Variants in PLAC1 observed in about 807,000 individuals in gnomAD.
PLAC1 encodes the protein placenta-specific protein 1.
For synonymous variants in PLAC1, 68 were observed against 62.1 expected (o/e 1.09, Z -0.44); for missense variants, 136 against 163.2 (o/e 0.83, Z 0.91).
intron 2 of PLAC1, among the ~76,000 whole-genome samples, chrX:134,591,821 G>GT (rs1184088953): frequency 5.4e-5 from 6 of 111,939 alleles, no homozygotes; most frequent in African/African-American, 1.9e-4. Flanking sequence ...TATTGTCACT[G>GT]TTTTTTTATT....
Position 134,709,389 on chromosome X carries a change from G to A in PLAC1, n.174+24046C>T, listed in dbSNP as rs1201353694. Among the ~76,000 whole-genome samples the A allele has an allele frequency of 2.7e-5, 3 of 112,013 alleles. No homozygotes were observed. The East Asian group carries it at 8.4e-4, about 31-fold the overall frequency. ...GCCTATAATCTGAGAACTGTGGGAG[G>A]CCAAGGCGGGCGGATCACTTGAGGT... is the stretch of plus-strand genomic sequence containing the variant. On this transcript the variant is annotated intron_variant and non_coding_transcript_variant, in intron 2 of 2. Transcript: ENST00000466797.
rs182394189 is a variant in PLAC1 at position 134,678,951 on chromosome X, G to C, written n.174+54484C>G. ...CATGTGATGACCAATGCAGAGATCA[G>C]AGTGATGCAGCCACAAGCCAAGGAG... is the stretch of plus-strand genomic sequence containing the variant. On this transcript the variant is annotated intron_variant and non_coding_transcript_variant, in intron 2 of 2. Coordinates refer to the PLAC1 transcript ENST00000466797. Among the ~76,000 whole-genome samples the C allele has an allele frequency of 2.1e-3, 235 of 111,685 alleles. 1 individual carries two copies. Among genetic ancestry groups the C allele is most frequent in the African/African-American group, 7.0e-3 (215 of 30,737 alleles).
At chrX:134,592,806 C>G (rs2078045335) in intron 2 of PLAC1, among the ~76,000 whole-genome samples, 1 of 102,777 alleles carries the variant, frequency 9.7e-6, no homozygotes, top group South Asian at 4.8e-4. Context: ...TCACTGCAAG[C>G]TCCACACCTC....
intron 1 of PLAC1, among the ~76,000 whole-genome samples, chrX:134,753,310 G>A (rs889292453): frequency 2.7e-5 from 3 of 111,399 alleles, no homozygotes; most frequent in African/African-American, 9.8e-5. Context: ...TAGCCTAATC[G>A]ACATTGACTT....
At chrX:134,636,594 G>A (rs1326002711) in intron 1 of PLAC1, among the ~76,000 whole-genome samples, 1 of 112,057 alleles carries the variant, frequency 8.9e-6, no homozygotes, top group East Asian at 2.8e-4. Context: ...GATGCAGTGT[G>A]GGGATGGAAG....
At chrX:134,755,041 G>T (rs893074812) in intron 1 of PLAC1, among the ~76,000 whole-genome samples, 1 of 111,652 alleles carries the variant, frequency 9.0e-6, no homozygotes. Flanking sequence ...AATTTATCAT[G>T]TAAATTTGCA....
intron 1 of PLAC1, among the ~76,000 whole-genome samples, chrX:134,656,669 C>T (rs1371020370): frequency 1.8e-5 from 2 of 111,458 alleles, no homozygotes; most frequent in Non-Finnish European, 3.8e-5. Context: ...ACTGCAGCTT[C>T]GATCTCCTGG....
intron 1 of PLAC1, among the ~76,000 whole-genome samples, chrX:134,734,452 A>C (rs1013708576): frequency 2.7e-5 from 3 of 111,985 alleles, no homozygotes; most frequent in Admixed American, 1.9e-4. Context: ...TTAGTCCCCC[A>C]CTCCACACCT....
At chrX:134,581,742 G>A (rs1448999848) in intron 2 of PLAC1, among the ~76,000 whole-genome samples, 1 of 110,894 alleles carries the variant, frequency 9.0e-6, no homozygotes, top group Non-Finnish European at 1.9e-5. Context: ...GCCTCCCAAA[G>A]TGCTGGGATT....
chrX:134,598,953 C>T (rs2078075412), intron 2 of PLAC1, among the ~76,000 whole-genome samples: 1 of 111,699 alleles, frequency 9.0e-6, no homozygotes, highest in Admixed American at 9.5e-5. Flanking sequence ...AAAAACCCAT[C>T]TTTTCACTTG....
In PLAC1 at chrX:134,750,946, A is replaced by T. The variant is rs184705241; in HGVS notation, n.89+13288T>A. ...ATATTTTTATATATATATATTTATA[A>T]ATATATATATATATATTTATATATA... On this transcript the variant is annotated intron_variant and non_coding_transcript_variant, in intron 1 of 2. Coordinates refer to the PLAC1 transcript ENST00000466797. Among the ~76,000 whole-genome samples, 301 of 34,486 alleles carry T rather than the reference A, an allele frequency of 8.7e-3. 24 individuals are homozygous for T. The highest frequency in any genetic ancestry group is 0.02 in the African/African-American group (63 of 3,084). The allele number at this position is 34,486 out of a possible 115,157, so 29.9% of individuals were successfully genotyped here. A position where few individuals can be genotyped will look rare whatever the true frequency, so the allele number is the denominator to read the frequency against.
At chrX:134,722,008 A>G (rs1334949190) in intron 2 of PLAC1, among the ~76,000 whole-genome samples, 1 of 112,267 alleles carries the variant, frequency 8.9e-6, no homozygotes, top group African/African-American at 3.2e-5. Flanking sequence ...TTCCTCAAAA[A>G]TTTATAAACA....
chrX:134,697,214 G>A (rs1017858120), intron 2 of PLAC1, among the ~76,000 whole-genome samples: 3 of 110,509 alleles, frequency 2.7e-5, no homozygotes, highest in African/African-American at 9.9e-5. Flanking sequence ...CCTAAATATG[G>A]ATTTTCAGTA....
chrX:134,747,255 T>C (rs1372338330), intron 1 of PLAC1, among the ~76,000 whole-genome samples: 2 of 110,522 alleles, frequency 1.8e-5, no homozygotes, highest in Non-Finnish European at 3.8e-5. Flanking sequence ...CCTGTTTAGT[T>C]GCTTGTTTCC....
At chrX:134,590,862 C>T (rs765745842) in intron 2 of PLAC1, among the ~76,000 whole-genome samples, 2 of 103,051 alleles carry the variant, frequency 1.9e-5, no homozygotes, top group African/African-American at 3.5e-5. Flanking sequence ...CCTCCCCCCC[C>T]ACCCCACCCC....
intron 2 of PLAC1, among the ~76,000 whole-genome samples, chrX:134,699,875 C>T (rs1021426160): frequency 5.4e-5 from 6 of 112,055 alleles, no homozygotes; most frequent in Middle Eastern, 4.2e-3. Context: ...TCTTCTAGCC[C>T]TGGTGTAACT....
intron 1 of PLAC1, among the ~76,000 whole-genome samples, chrX:134,652,803 G>A (rs2078370100): frequency 9.1e-6 from 1 of 109,458 alleles, no homozygotes; most frequent in South Asian, 4.0e-4. Context: ...AAGCATGGGC[G>A]GGGGTGGGGG....
chrX:134,642,279 A>AT (rs1348620684), intron 1 of PLAC1, among the ~76,000 whole-genome samples: 1 of 111,703 alleles, frequency 9.0e-6, no homozygotes, highest in Non-Finnish European at 1.9e-5. Context: ...TACCAAGGGT[A>AT]TTTTTTTCCT....
intron 1 of PLAC1, among the ~76,000 whole-genome samples, chrX:134,647,418 G>C (rs1050001149): frequency 9.3e-6 from 1 of 107,529 alleles, no homozygotes; most frequent in Admixed American, 9.9e-5. Flanking sequence ...ATCTGTGTGT[G>C]TGTGTGTGTG....
Sources: allele counts gnomAD v4.1 joint callset (sites outside exome capture counted in the v4.1 genomes callset), GRCh38; gene constraint gnomAD v4.1.1; transcripts MANE v1.5; gene names NCBI Gene and HGNC (gene_info 2026-07-23, HGNC 2026-07-21).